Variants in PPP2R2C observed in about 807,000 individuals in gnomAD.
PPP2R2C encodes protein phosphatase 2 regulatory subunit Bgamma, also known as protein phosphatase 2, regulatory subunit B, gamma.
In PPP2R2C, 10 loss-of-function variants were observed where a neutral mutation model predicts 45.3. The ratio of observed to expected loss-of-function variants is 0.22; its 90% CI spans 0.14 to 0.37. The LOEUF is 0.37. Among genes scored for constraint, PPP2R2C ranks in the 10% least tolerant of loss-of-function variants. The pLI, the probability that PPP2R2C is intolerant of heterozygous loss-of-function variation, is 1.00. For missense variants in PPP2R2C, 308 were observed against 619.7 expected, an observed-to-expected ratio of 0.50 and a Z score of 5.34; for synonymous variants, 257 against 245.4, an observed-to-expected ratio of 1.05 and a Z score of -0.44.
At chr4:6,518,547 G>C (rs1272304748) in intron 2 of PPP2R2C, among the ~76,000 whole-genome samples, 2 of 152,184 alleles carry the variant, frequency 1.3e-5, no homozygotes, top group Admixed American at 1.3e-4. Context: ...TAATAACCTA[G>C]ATGAAATGCC....
intron 1 of PPP2R2C, among the ~76,000 whole-genome samples, chr4:6,411,223 C>T (rs1263989587): frequency 1.3e-5 from 2 of 152,144 alleles, no homozygotes; most frequent in African/African-American, 4.8e-5. Flanking sequence ...GGGTGAGTAA[C>T]GTGCCCACAG....
chr4:6,382,340 CT>C, intron 1 of PPP2R2C: 1 of 1,305,724 alleles, frequency 7.7e-7, no homozygotes, highest in Middle Eastern at 2.2e-4. Context: ...CAAAATGGAT[CT>C]ACTTTCAAAC....
At chr4:6,337,115 T>C (rs1447035603) in intron 6 of PPP2R2C, among the ~76,000 whole-genome samples, 2 of 19,378 alleles carry the variant, frequency 1.0e-4, no homozygotes, top group Admixed American at 4.5e-4. Context: ...TGTGTGTGTA[T>C]ATATATATAT....
At chr4:6,354,826 C>T (rs1390772051) in intron 5 of PPP2R2C, among the ~76,000 whole-genome samples, 1 of 152,126 alleles carries the variant, frequency 6.6e-6, no homozygotes, top group Non-Finnish European at 1.5e-5. Context: ...CCCACAGCCC[C>T]CCACAGCCAG....
rs913758694 is a variant in PPP2R2C at position 6,364,613 on chromosome 4, G to A, written c.625+7910C>T. 5.3e-5 allele frequency among the ~76,000 whole-genome samples: 8 copies of A among 152,114 alleles called. No individual in the cohort carries two copies. Among genetic ancestry groups the A allele is most frequent in the South Asian group, 2.1e-4 (1 of 4,830 alleles). On this transcript the variant is annotated intron_variant, in intron 5 of 8. Transcript: ENST00000382599. This position sits in a 1 kb window ranked among gnomAD's most constrained non-coding sequence, Gnocchi z 5.3. ...CCCTAAAGGCTTCCCAGATGTCATC[G>A]TAGCACCCAGTCCTCAAGCAGCCGT...
At chr4:6,357,106 C>T (rs563784623) in intron 5 of PPP2R2C, among the ~76,000 whole-genome samples, 10 of 146,844 alleles carry the variant, frequency 6.8e-5, no homozygotes, top group Middle Eastern at 3.7e-3. Flanking sequence ...CCCTGGGTCC[C>T]AGCCTCAAAT....
chr4:6,476,914 T>G (rs1316344156), upstream of PPP2R2C, among the ~76,000 whole-genome samples: 1 of 152,186 alleles, frequency 6.6e-6, no homozygotes, highest in African/African-American at 2.4e-5. Context: ...TTGTTCAGTG[T>G]GGAGGCTAAT....
At chr4:6,352,487 G>A (rs1263259543) in intron 5 of PPP2R2C, among the ~76,000 whole-genome samples, 1 of 152,146 alleles carries the variant, frequency 6.6e-6, no homozygotes, top group Non-Finnish European at 1.5e-5. Flanking sequence ...CCTTTCCCCT[G>A]GCAAAGCTGC....
At chr4:6,534,647 A>C (rs1409008612) in intron 2 of PPP2R2C, among the ~76,000 whole-genome samples, 1 of 151,318 alleles carries the variant, frequency 6.6e-6, no homozygotes, top group South Asian at 2.1e-4. Flanking sequence ...CAACACACAC[A>C]GCCCCAAAGA....
intron 2 of PPP2R2C, among the ~76,000 whole-genome samples, chr4:6,494,612 G>T (rs193222966): frequency 7.0e-4 from 106 of 152,286 alleles, no homozygotes; most frequent in African/African-American, 2.4e-3. Flanking sequence ...CACAGCCCAG[G>T]TGGAGGCCAG....
At chr4:6,339,555 C>T (rs1178257586) in intron 6 of PPP2R2C, among the ~76,000 whole-genome samples, 1 of 152,278 alleles carries the variant, frequency 6.6e-6, no homozygotes, top group East Asian at 1.9e-4. Context: ...CCATCGTTGT[C>T]AGTGTGTGGA....
intron 1 of PPP2R2C, among the ~76,000 whole-genome samples, chr4:6,465,883 C>G (rs971978108): frequency 6.6e-6 from 1 of 152,164 alleles, no homozygotes. Flanking sequence ...CACCCTCTAC[C>G]CTTGGTTCAA....
intron 1 of PPP2R2C, among the ~76,000 whole-genome samples, chr4:6,537,131 A>G (rs936396208): frequency 1.3e-5 from 2 of 152,128 alleles, no homozygotes; most frequent in African/African-American, 4.8e-5. Context: ...TGAACCCAGG[A>G]GGCGGAGGTC....
chr4:6,383,963 G>A, intron 1 of PPP2R2C: 1 of 986,360 alleles, frequency 1.0e-6, no homozygotes, highest in Non-Finnish European at 1.2e-6. Flanking sequence ...GGTTAGAAGT[G>A]GGATGACGGG....
intron 1 of PPP2R2C, among the ~76,000 whole-genome samples, chr4:6,553,185 A>G (rs902503493): frequency 3.3e-5 from 5 of 152,160 alleles, no homozygotes; most frequent in Non-Finnish European, 7.4e-5. Flanking sequence ...CTAGGATTGC[A>G]GCGCCACCGC....
chr4:6,321,434 C>G lies in PPP2R2C; in HGVS notation c.*1868G>C, dbSNP rs1364636776. The G allele has an allele frequency of 6.6e-6, 1 of 152,496 alleles. No homozygotes were observed. Among genetic ancestry groups the G allele is most frequent in the African/African-American group, 2.4e-5 (1 of 41,404 alleles). The allele number at this position is 152,496 out of a possible 1,614,324, so 9.4% of individuals were successfully genotyped here. A position where few individuals can be genotyped will look rare whatever the true frequency, so the allele number is the denominator to read the frequency against. ...AATAGATATGTACATATAATACTGT[C>G]CAGGTCAACTGGATTTTATAGTGAT... On this transcript the variant is annotated 3_prime_UTR_variant, in exon 9 of 9. Transcript: ENST00000382599.
chr4:6,513,404 GAC>G (rs1723732582), intron 2 of PPP2R2C, among the ~76,000 whole-genome samples: 1 of 152,176 alleles, frequency 6.6e-6, no homozygotes, highest in Non-Finnish European at 1.5e-5. Flanking sequence ...GAGGCAGAGA[GAC>G]AGTGTGTGTC....
chr4:6,373,194 G>C (rs753964850), intron 4 of PPP2R2C, among the ~76,000 whole-genome samples: 4 of 152,176 alleles, frequency 2.6e-5, no homozygotes, highest in Non-Finnish European at 5.9e-5. Flanking sequence ...TTCCCCACCT[G>C]GAAGGTGAGG....
intron 2 of PPP2R2C, among the ~76,000 whole-genome samples, chr4:6,479,064 T>C (rs1722262085): frequency 6.6e-6 from 1 of 152,166 alleles, no homozygotes; most frequent in South Asian, 2.1e-4. Context: ...GGGCTGCTAA[T>C]ACGTTGCACT....
Sources: allele counts gnomAD v4.1 joint callset (sites outside exome capture counted in the v4.1 genomes callset), GRCh38; gene constraint gnomAD v4.1.1; non-coding constraint Gnocchi (gnomAD v3.1); transcripts MANE v1.5; gene names NCBI Gene and HGNC (gene_info 2026-07-23, HGNC 2026-07-21).